PTPRN2: variants seen among roughly 807,000 people sequenced by gnomAD.
PTPRN2 encodes the protein receptor-type tyrosine-protein phosphatase N2.
Under a neutral mutation model 118.8 loss-of-function variants are expected in PTPRN2, and 74 were observed. The observed-to-expected ratio is 0.62, with a 90% CI of 0.52 to 0.76. The LOEUF is 0.76. PTPRN2 is among the 30% of genes least tolerant of loss of function. PTPRN2 has a pLI of 0.00. For synonymous variants in PTPRN2, 641 were observed against 608.0 expected (o/e 1.05, Z -0.80); for missense variants, 1,481 against 1,394.4 (o/e 1.06, Z -0.99).
intron 12 of PTPRN2, among the ~76,000 whole-genome samples, chr7:157,860,147 G>T (rs528305285): frequency 3.3e-4 from 51 of 152,352 alleles, no homozygotes; most frequent in African/African-American, 1.2e-3. Flanking sequence ...CCCACTGGGG[G>T]AGCCTCGAGA....
intron 5 of PTPRN2, among the ~76,000 whole-genome samples, chr7:158,178,417 C>G (rs923853678): frequency 2.0e-5 from 3 of 152,018 alleles, no homozygotes; most frequent in Admixed American, 2.0e-4. Flanking sequence ...ATACCCATAG[C>G]TTGGCTCCCA....
intron 14 of PTPRN2, among the ~76,000 whole-genome samples, chr7:157,645,894 C>T (rs1162987114): frequency 1.3e-5 from 2 of 152,240 alleles, no homozygotes; most frequent in East Asian, 3.8e-4. Context: ...CACAGTCCCA[C>T]CCCTTGGTAC....
At chr7:157,998,682 G>T (rs906244173) in intron 11 of PTPRN2, among the ~76,000 whole-genome samples, 20 of 152,106 alleles carry the variant, frequency 1.3e-4, no homozygotes, top group African/African-American at 4.8e-4. Flanking sequence ...AATTAGCTGG[G>T]TGTGTTGGCA....
At chr7:158,479,301 T>G (rs1326416773) in intron 2 of PTPRN2, among the ~76,000 whole-genome samples, 1 of 152,110 alleles carries the variant, frequency 6.6e-6, no homozygotes, top group Non-Finnish European at 1.5e-5. Context: ...TGGACGTTGC[T>G]GCAAGCGGCC....
chr7:158,520,972 C>A (rs1337292582), intron 1 of PTPRN2, among the ~76,000 whole-genome samples: 2 of 152,130 alleles, frequency 1.3e-5, no homozygotes, highest in African/African-American at 4.8e-5. Flanking sequence ...TCTCAGCCAG[C>A]CAAGGAACAG....
intron 13 of PTPRN2, among the ~76,000 whole-genome samples, chr7:157,679,437 C>T (rs1796816784): frequency 6.6e-6 from 1 of 152,028 alleles, no homozygotes; most frequent in Non-Finnish European, 1.5e-5. Flanking sequence ...GAGAGTCTGT[C>T]AAAAAAGATT....
chr7:157,975,694 G>A (rs962346245), intron 11 of PTPRN2, among the ~76,000 whole-genome samples: 4 of 152,066 alleles, frequency 2.6e-5, no homozygotes, highest in Admixed American at 6.5e-5. Context: ...CCTGCCCTCC[G>A]TGTCTGGTAT....
intron 15 of PTPRN2, among the ~76,000 whole-genome samples, chr7:157,612,302 C>A (rs897913597): frequency 6.6e-6 from 1 of 152,226 alleles, no homozygotes; most frequent in African/African-American, 2.4e-5. Context: ...GCACAGATAT[C>A]AGACAGGCAG....
chr7:157,713,471 T>C (rs1274015055), intron 12 of PTPRN2, among the ~76,000 whole-genome samples: 2 of 152,184 alleles, frequency 1.3e-5, no homozygotes, highest in Admixed American at 1.3e-4. Flanking sequence ...TATCTTTTCT[T>C]TTGGATACTT....
intron 12 of PTPRN2, among the ~76,000 whole-genome samples, chr7:157,812,166 G>A (rs990256495): frequency 6.6e-6 from 1 of 152,168 alleles, no homozygotes; most frequent in African/African-American, 2.4e-5. Context: ...CTCTGGCCAA[G>A]GCAGGGGCAC....
intron 11 of PTPRN2, among the ~76,000 whole-genome samples, chr7:157,912,650 G>A (rs1798165542): frequency 6.6e-6 from 1 of 152,126 alleles, no homozygotes; most frequent in Non-Finnish European, 1.5e-5. Flanking sequence ...TCACATGTAA[G>A]TCTGATATTG....
chr7:158,119,007 C>T (rs964167375), intron 9 of PTPRN2, among the ~76,000 whole-genome samples: 1 of 152,172 alleles, frequency 6.6e-6, no homozygotes, highest in Non-Finnish European at 1.5e-5. Flanking sequence ...TGGCCAATAT[C>T]TTCTTTTAAT....
intron 2 of PTPRN2, among the ~76,000 whole-genome samples, chr7:158,353,742 G>A (rs1173374141): frequency 1.3e-5 from 2 of 152,148 alleles, no homozygotes; most frequent in Non-Finnish European, 2.9e-5. Context: ...CCCATAACCT[G>A]CCTGGCATCC....
chr7:158,103,466 C>T (rs137906193), intron 10 of PTPRN2, among the ~76,000 whole-genome samples: 5 of 152,352 alleles, frequency 3.3e-5, no homozygotes, highest in Admixed American at 6.5e-5. Context: ...TCTGGACTAA[C>T]GTGGCTGTGC....
At chr7:158,351,427 G>A (rs958980385) in intron 2 of PTPRN2, among the ~76,000 whole-genome samples, 2 of 152,142 alleles carry the variant, frequency 1.3e-5, no homozygotes, top group Non-Finnish European at 2.9e-5. Context: ...TGTCTGGGGC[G>A]ACTCGTACAC....
At chr7:157,645,649 G>A (rs114183537) in intron 14 of PTPRN2, among the ~76,000 whole-genome samples, 1 of 152,204 alleles carries the variant, frequency 6.6e-6, no homozygotes, top group Admixed American at 6.5e-5. Context: ...GGGCCGGGCT[G>A]TACACACTCA....
chr7:157,758,351 G>A (rs933972182), intron 12 of PTPRN2, among the ~76,000 whole-genome samples: 13 of 152,218 alleles, frequency 8.5e-5, no homozygotes, highest in African/African-American at 3.1e-4. Flanking sequence ...CAGTGAAGTT[G>A]CACAGCAGTC....
At chr7:158,140,542 G>A (rs539420619) in intron 6 of PTPRN2, among the ~76,000 whole-genome samples, 1 of 152,240 alleles carries the variant, frequency 6.6e-6, no homozygotes, top group East Asian at 1.9e-4. Context: ...ACGAGAAGGG[G>A]GACAGACCTA....
intron 3 of PTPRN2, among the ~76,000 whole-genome samples, chr7:158,267,219 T>C (rs114265095): frequency 0.014 from 2,140 of 152,334 alleles, 57 homozygotes; most frequent in African/African-American, 0.049. Context: ...GCCAACCTGC[T>C]TGTTAGCCGA....
Sources: allele counts gnomAD v4.1 joint callset (sites outside exome capture counted in the v4.1 genomes callset), GRCh38; gene constraint gnomAD v4.1.1; transcripts MANE v1.5; gene names NCBI Gene and HGNC (gene_info 2026-07-23, HGNC 2026-07-21).